The following PPFIBP1 variants were observed in gnomAD, a reference collection of about 807,000 sequenced individuals.
PPFIBP1 encodes the protein liprin-beta-1.
Under a neutral mutation model 137.8 loss-of-function variants are expected in PPFIBP1, and 112 were observed. That is an observed-to-expected ratio of 0.81 (90% confidence interval 0.70 to 0.95). PPFIBP1 has a LOEUF of 0.95. Among genes scored for constraint, PPFIBP1 ranks in the 40% least tolerant of loss-of-function variants. PPFIBP1 has a pLI of 0.00. For missense variants in PPFIBP1, 1,083 were observed against 1,196.6 expected (o/e 0.91, Z 1.40); for synonymous variants, 378 against 417.3 (o/e 0.91, Z 1.15).
At chr12:27,542,786 G>A (rs1467054914) in intron 1 of PPFIBP1, among the ~76,000 whole-genome samples, 1 of 152,262 alleles carries the variant, frequency 6.6e-6, no homozygotes, top group African/African-American at 2.4e-5. Flanking sequence ...AGAATTGCGT[G>A]ATGACTCCTC....
chr12:27,561,030 A>T (rs1380059091), intron 1 of PPFIBP1, among the ~76,000 whole-genome samples: 1 of 152,202 alleles, frequency 6.6e-6, no homozygotes, highest in African/African-American at 2.4e-5. Context: ...AAAAGACAGA[A>T]TAACAGTAAA....
chr12:27,586,718 G>C (rs375555444), intron 2 of PPFIBP1, among the ~76,000 whole-genome samples: 7 of 151,750 alleles, frequency 4.6e-5, no homozygotes, highest in African/African-American at 1.7e-4. Flanking sequence ...AAGCCTATAA[G>C]AGCACCCTCT....
intron 7 of PPFIBP1, among the ~76,000 whole-genome samples, chr12:27,650,463 A>G (rs2058811695): frequency 6.6e-6 from 1 of 152,192 alleles, no homozygotes; most frequent in Non-Finnish European, 1.5e-5. Flanking sequence ...TAATTTTGTA[A>G]ATAATGGGCT....
intron 2 of PPFIBP1, among the ~76,000 whole-genome samples, chr12:27,629,776 CA>C (rs2057132242): frequency 6.6e-6 from 1 of 152,116 alleles, no homozygotes; most frequent in Non-Finnish European, 1.5e-5. Context: ...GCTTTGTCAA[CA>C]CAGATGCCTG....
At position 27,691,750 on chromosome 12, in the gene PPFIBP1, C is replaced by T; in HGVS notation, c.2687C>T (p.Pro896Leu). 1 of 1,604,442 alleles carries T rather than the reference C, an allele frequency of 6.2e-7. No individual in the cohort carries two copies. The highest frequency in any genetic ancestry group is 8.5e-7 in the Non-Finnish European group (1 of 1,175,256). Residue 896 changes from proline (P) to leucine (L), a missense_variant and splice_region_variant, in exon 28 of 30, where the codon CCA becomes CTA. Coordinates refer to ENST00000228425, the MANE Select transcript of PPFIBP1 (RefSeq NM_003622.4). Reference sequence around the variant, plus strand: ...TTTTTGTTTGCTTTTCTTTTAAAGCCAAAGAAACTTGCCTTTAGCAATTTT... The same window carrying T: ...TTTTTGTTTGCTTTTCTTTTAAAGCTAAAGAAACTTGCCTTTAGCAATTTT... The part of the protein sequence containing the change: ...VLLTATAKVK[P>L]KKLAFSNFGN...
At chr12:27,656,247 T>C (rs2059191073) in intron 8 of PPFIBP1, among the ~76,000 whole-genome samples, 1 of 152,256 alleles carries the variant, frequency 6.6e-6, no homozygotes, top group Non-Finnish European at 1.5e-5. Context: ...CATTTTATTT[T>C]GCTTTTATGA....
intron 2 of PPFIBP1, among the ~76,000 whole-genome samples, chr12:27,611,007 A>G (rs527658019): frequency 6.6e-6 from 1 of 152,292 alleles, no homozygotes; most frequent in East Asian, 1.9e-4. Context: ...ACTTTAATGG[A>G]CACTCTCTGG....
At chr12:27,680,171 T>C (rs750758179) in intron 21 of PPFIBP1, 110 bp downstream of exon 21, 82 of 1,401,012 alleles carry the variant, frequency 5.9e-5, no homozygotes, top group Non-Finnish European at 6.8e-5. Context: ...TGCTTAATGC[T>C]GTGCCTAATG....
intron 11 of PPFIBP1, among the ~76,000 whole-genome samples, chr12:27,661,225 C>T (rs938400241): frequency 2.0e-5 from 3 of 152,164 alleles, no homozygotes; most frequent in Non-Finnish European, 4.4e-5. Flanking sequence ...AGGATACATT[C>T]CATAGTACCT....
chr12:27,645,932 C>T (rs1037119532), intron 4 of PPFIBP1, 130 bp from the exon 5 acceptor site: 2 of 660,132 alleles, frequency 3.0e-6, no homozygotes, highest in Non-Finnish European at 5.2e-6. Flanking sequence ...CTCGTATTTT[C>T]TGTTTGACAG....
chr12:27,692,741 G>A (rs543924039), intron 29 of PPFIBP1, 55 bp from the exon 30 acceptor site: 1 of 1,613,984 alleles, frequency 6.2e-7, no homozygotes, highest in South Asian at 1.1e-5. Context: ...CTTGGAGAAT[G>A]TGTAGCTCTG....
chr12:27,595,867 ACAAC>A (rs2053167117), intron 2 of PPFIBP1, among the ~76,000 whole-genome samples: 2 of 87,232 alleles, frequency 2.3e-5, no homozygotes, highest in Non-Finnish European at 4.2e-5. Flanking sequence ...AACAACAACA[ACAAC>A]AACAACAACA....
chr12:27,619,170 G>A (rs1335959698), intron 2 of PPFIBP1, among the ~76,000 whole-genome samples: 3 of 151,278 alleles, frequency 2.0e-5, no homozygotes, highest in Non-Finnish European at 2.9e-5. Context: ...TTGGTCCCAC[G>A]ACCTCCCACA....
At chr12:27,563,208 G>A (rs968190125) in intron 1 of PPFIBP1, among the ~76,000 whole-genome samples, 2 of 145,248 alleles carry the variant, frequency 1.4e-5, no homozygotes, top group Non-Finnish European at 3.0e-5. Flanking sequence ...ATGGGAGGCT[G>A]AGGTAGGCGG....
intron 19 of PPFIBP1, 25 bp from the exon 20 acceptor site, chr12:27,679,464 T>C: frequency 6.3e-7 from 1 of 1,588,182 alleles, no homozygotes; most frequent in East Asian, 2.2e-5. Context: ...TAAAATTCAT[T>C]GTCTGCATTC....
intron 1 of PPFIBP1, among the ~76,000 whole-genome samples, chr12:27,554,146 C>G (rs531155706): frequency 2.4e-4 from 36 of 152,168 alleles, no homozygotes; most frequent in South Asian, 4.1e-4. Flanking sequence ...CTCACAATCC[C>G]GTTAAGATTC....
rs1256034531 is a variant in PPFIBP1 at position 27,672,493 on chromosome 12, A to G, written c.1319+10A>G. The G allele has an allele frequency of 1.9e-6, 3 of 1,583,368 alleles. No homozygotes were observed. The highest frequency in any genetic ancestry group is 1.1e-5 in the South Asian group (1 of 89,708). ...TGTGTGATAAACTTTTGTAAGTTAC[A>G]TTTTATTGAATGTGAAAAATGTGAT... On this transcript the variant is annotated intron_variant, in intron 15 of 29. Transcript: ENST00000228425.
intron 1 of PPFIBP1, among the ~76,000 whole-genome samples, chr12:27,571,680 G>A (rs978272631): frequency 2.0e-5 from 3 of 152,142 alleles, no homozygotes; most frequent in Admixed American, 6.5e-5. Flanking sequence ...CAGTTCTACC[G>A]ACATGATAAA....
chr12:27,593,519 C>T (rs989791966), intron 2 of PPFIBP1: 6 of 404,734 alleles, frequency 1.5e-5, no homozygotes, highest in Non-Finnish European at 2.9e-5. Flanking sequence ...TGATGACTGA[C>T]CTGAACCATT....
Sources: allele counts gnomAD v4.1 joint callset (sites outside exome capture counted in the v4.1 genomes callset), GRCh38; gene constraint gnomAD v4.1.1; transcripts MANE v1.5; gene names NCBI Gene and HGNC (gene_info 2026-07-23, HGNC 2026-07-21).